DCT: variants seen among roughly 807,000 people sequenced by gnomAD.
DCT encodes the protein L-dopachrome tautomerase.
In DCT, 47 loss-of-function variants were observed where a neutral mutation model predicts 53.0. That is an observed-to-expected ratio of 0.89 (90% CI 0.70 to 1.13). The LOEUF (loss-of-function observed/expected upper bound fraction) is 1.13. Among genes scored for constraint, DCT ranks in the 50% most tolerant of loss-of-function variants. The probability of loss-of-function intolerance (pLI) is 0.00; values close to 1 mark genes in which losing one functional copy is unlikely to be tolerated. For missense variants in DCT, 669 were observed against 637.4 expected (o/e 1.05, Z -0.53); for synonymous variants, 244 against 237.0 (o/e 1.03, Z -0.27).
Position 94,468,967 on chromosome 13 carries a change from A to T in DCT, c.374T>A (p.Val125Glu). The stretch of plus-strand genomic sequence containing the variant: ...CAAGGAATGGATGTTCTGCCGAATC[A>T]CTGGTGGTTTCTTCCGCTCGCAGTT... ...GPNCERKKPP[V>E]IRQNIHSLSP... The change falls in exon 2 of 8, where the codon GTG becomes GAG. Residue 125 changes from valine to glutamate, a missense_variant. Physicochemically the swap from Val to Glu is moderately radical, Grantham distance 121 (BLOSUM62 -2). Coordinates refer to ENST00000377028, the MANE Select transcript of DCT (RefSeq NM_001922.5). 6.2e-7 allele frequency: 1 copy of T among 1,614,116 alleles called. No homozygotes were observed. The highest frequency in any genetic ancestry group is 8.5e-7 in the Non-Finnish European group (1 of 1,180,008).
At chr13:94,467,446 C>T (rs1028414279) in intron 2 of DCT, 1 of 152,134 alleles carries the variant, frequency 6.6e-6, no homozygotes, top group Non-Finnish European at 1.5e-5. Flanking sequence ...AAATTTAATT[C>T]GTAGCTATGA....
the DCT span, among the ~76,000 whole-genome samples, chr13:94,497,916 A>C: frequency 6.6e-6 from 1 of 152,032 alleles, no homozygotes; most frequent in Non-Finnish European, 1.5e-5. Context: ...GCACATATAC[A>C]TCTTACTGGT....
At position 94,443,523 on chromosome 13, in the gene DCT, T is replaced by C. The variant is rs1169945174; in HGVS notation, c.1294A>G (p.Met432Val). The change falls in exon 7 of 8, where the codon ATG becomes GTG. Residue 432 changes from methionine to valine, a missense_variant. Coordinates refer to ENST00000377028, the MANE Select transcript of DCT (RefSeq NM_001922.5). The stretch of plus-strand genomic sequence containing the variant: ...GTCACTGGAGGGAAGAAAGGAACCA[T>C]GTTGTACATCCGATTGTGACCAATA... Reference protein sequence around the residue: ...APIGHNRMYNMVPFFPPVTNE... With the variant: ...APIGHNRMYNVVPFFPPVTNE... 3 of 1,614,016 alleles carry C rather than the reference T, an allele frequency of 1.9e-6. No homozygotes were observed. The highest frequency in any genetic ancestry group is 2.2e-5 in the South Asian group (2 of 91,072).
At chr13:94,446,558 G>A (rs1882747023) in intron 6 of DCT, among the ~76,000 whole-genome samples, 1 of 152,170 alleles carries the variant, frequency 6.6e-6, no homozygotes, top group African/African-American at 2.4e-5. Flanking sequence ...AGCCTGATTT[G>A]GTGGATATTA....
the DCT span, among the ~76,000 whole-genome samples, chr13:94,486,515 C>T: frequency 3.3e-5 from 5 of 152,166 alleles, no homozygotes; most frequent in Admixed American, 3.3e-4. Flanking sequence ...CATCAGCCTG[C>T]ATTAGGGCAT....
In DCT at chr13:94,460,018, A is replaced by G. The variant is rs973070976; in HGVS notation, c.1179+73T>C. On this transcript the variant is annotated intron_variant, in intron 6 of 7. Coordinates refer to ENST00000377028, the MANE Select transcript of DCT (RefSeq NM_001922.5). ...CACAGAGAATAAAACACCATCAAAC[A>G]TTAATTGTATGAAAAAATAAATCTG... 5 of 1,448,934 alleles carry G rather than the reference A, an allele frequency of 3.5e-6. No homozygotes were observed. In the African/African-American group the frequency reaches 7.1e-5, roughly 21 times the overall value. 89.8% of individuals were successfully genotyped at this position (1,448,934 alleles called of 1,614,324 possible).
At chr13:94,547,752 G>A in the DCT span, among the ~76,000 whole-genome samples, 1 of 151,640 alleles carries the variant, frequency 6.6e-6, no homozygotes, top group Non-Finnish European at 1.5e-5. Context: ...CACTTTGGGA[G>A]GCCAAGGCGG....
At chr13:94,547,193 T>G in the DCT span, among the ~76,000 whole-genome samples, 3 of 151,922 alleles carry the variant, frequency 2.0e-5, no homozygotes, top group South Asian at 6.3e-4. Flanking sequence ...CTCAGCTCAC[T>G]GCAACTTCCA....
the DCT span, among the ~76,000 whole-genome samples, chr13:94,534,106 C>T: frequency 6.6e-6 from 1 of 151,568 alleles, no homozygotes; most frequent in South Asian, 2.1e-4. Context: ...TCCACATTCA[C>T]AAGTTTCCCC....
the DCT span, among the ~76,000 whole-genome samples, chr13:94,499,343 C>G: frequency 6.6e-6 from 1 of 152,130 alleles, no homozygotes; most frequent in Non-Finnish European, 1.5e-5. Context: ...ATTCCAGACA[C>G]ACATTTAGCT....
chr13:94,459,985 A>G, intron 6 of DCT, 106 bp downstream of exon 6: 1 of 1,219,546 alleles, frequency 8.2e-7, no homozygotes, highest in Non-Finnish European at 1.2e-6. Flanking sequence ...CACACATCAC[A>G]TTGTTCACAC....
chr13:94,493,718 G>A, the DCT span, among the ~76,000 whole-genome samples: 1 of 152,210 alleles, frequency 6.6e-6, no homozygotes, highest in African/African-American at 2.4e-5. Flanking sequence ...AAAAAGATCA[G>A]TGGTTGCCAG....
chr13:94,496,118 A>T, the DCT span, among the ~76,000 whole-genome samples: 1 of 152,142 alleles, frequency 6.6e-6, no homozygotes, highest in Non-Finnish European at 1.5e-5. Context: ...GAACCTTATA[A>T]AGTGTGATCC....
the DCT span, among the ~76,000 whole-genome samples, chr13:94,529,446 C>T: frequency 9.2e-5 from 14 of 152,236 alleles, no homozygotes; most frequent in Middle Eastern, 6.8e-3. Context: ...CTGTCTCTCA[C>T]ACCACAGGGC....
the DCT span, among the ~76,000 whole-genome samples, chr13:94,520,416 A>G: frequency 2.4e-4 from 36 of 152,334 alleles, no homozygotes; most frequent in African/African-American, 8.7e-4. Flanking sequence ...AAGGGTAATG[A>G]CAAAATTAAT....
chr13:94,515,044 T>A, the DCT span, among the ~76,000 whole-genome samples: 4 of 152,258 alleles, frequency 2.6e-5, no homozygotes, highest in African/African-American at 9.6e-5. Flanking sequence ...GAAAAGAGAC[T>A]GCAGAAAAAT....
chr13:94,452,095 C>A (rs922033420), intron 6 of DCT, among the ~76,000 whole-genome samples: 1 of 151,972 alleles, frequency 6.6e-6, no homozygotes, highest in Admixed American at 6.6e-5. Flanking sequence ...TGCGATGGCA[C>A]GATCTTGGCT....
chr13:94,503,038 C>T, the DCT span, among the ~76,000 whole-genome samples: 7 of 152,268 alleles, frequency 4.6e-5, no homozygotes, highest in East Asian at 1.4e-3. Flanking sequence ...GAGACCTAAG[C>T]CCTGGGACCT....
At chr13:94,446,506 G>A (rs1441181811) in intron 6 of DCT, among the ~76,000 whole-genome samples, 1 of 152,174 alleles carries the variant, frequency 6.6e-6, no homozygotes, top group African/African-American at 2.4e-5. Context: ...ATTTATTAGT[G>A]TTTGCTCAAT....
Sources: allele counts gnomAD v4.1 joint callset (sites outside exome capture counted in the v4.1 genomes callset), GRCh38; gene constraint gnomAD v4.1.1; transcripts MANE v1.5; gene names NCBI Gene and HGNC (gene_info 2026-07-23, HGNC 2026-07-21).